Variants in TTC7A observed in about 807,000 individuals in gnomAD.
The protein encoded by TTC7A is tetratricopeptide repeat domain 7A.
Under a neutral mutation model 103.7 loss-of-function variants are expected in TTC7A, and 110 were observed. The ratio of observed to expected loss-of-function variants is 1.06; its 90% confidence interval spans 0.91 to 1.24. The LOEUF (loss-of-function observed/expected upper bound fraction) is 1.24, where lower values mean the gene tolerates loss of function less well. TTC7A is among the 50% of genes most tolerant of loss of function. TTC7A has a pLI of 0.00. For synonymous variants in TTC7A, 521 were observed against 467.9 expected, an observed-to-expected ratio of 1.11 and a Z score of -1.47; for missense variants, 1,340 against 1,116.3, an observed-to-expected ratio of 1.20 and a Z score of -2.86.
Position 46,978,897 on chromosome 2 carries a change from C to T in TTC7A, c.754C>T (p.Leu252=), listed in dbSNP as rs1489602833. ...CCTCCAGAGCGCCTATGTGAAAAAC[C>T]TGAAGAAGGGGTAGGTCACTGGTAG... The part of the protein sequence containing the change: ...AALQSAYVKN[L]KKGNIVKGMR... Residue 252 remains leucine, a synonymous_variant, in exon 5 of 20, where the codon CTG becomes TTG. Transcript: ENST00000319190. 1.9e-6 allele frequency: 3 copies of T among 1,613,380 alleles called. No individual in the cohort carries two copies. The highest frequency in any genetic ancestry group is 1.1e-5 in the South Asian group (1 of 91,064).
intron 2 of TTC7A, among the ~76,000 whole-genome samples, chr2:46,929,684 GATTGAAA>G (rs1161764910): frequency 6.6e-6 from 1 of 152,044 alleles, no homozygotes; most frequent in African/African-American, 2.4e-5. Context: ...AAATAAGAAA[GATTGAAA>G]ATTAATGAGC....
Position 47,023,351 on chromosome 2 carries a change from T to A in TTC7A, c.1511-57T>A, listed in dbSNP as rs1051830341. ...GTGTGCTTTGAGGATGGTGCAGGGC[T>A]GGGCCGGCACCCTTCAGTGACCCCT... On this transcript the variant is annotated intron_variant, in intron 12 of 19. Coordinates refer to ENST00000319190, the MANE Select transcript of TTC7A (RefSeq NM_020458.4). 2.5e-6 allele frequency: 4 copies of A among 1,578,824 alleles called. No homozygotes were observed. In the African/African-American group the frequency reaches 5.4e-5, roughly 21 times the overall value.
Position 46,978,887 on chromosome 2 carries a change from T to C in TTC7A, c.744T>C (p.Tyr248=), listed in dbSNP as rs1317646145. ...TGGAAGCTGCCCTCCAGAGCGCCTA[T>C]GTGAAAAACCTGAAGAAGGGGTAGG... ...YFLEAALQSA[Y]VKNLKKGNIV... The change falls in exon 5 of 20, where the codon TAT becomes TAC. Residue 248 remains tyrosine, a synonymous_variant. Transcript: ENST00000319190. 1.2e-6 allele frequency: 2 copies of C among 1,614,046 alleles called. No homozygotes were observed. Among genetic ancestry groups the C allele is most frequent in the East Asian group, 2.2e-5 (1 of 44,876 alleles).
chr2:47,069,461 T>G (rs1349809614), intron 19 of TTC7A, among the ~76,000 whole-genome samples: 4 of 152,146 alleles, frequency 2.6e-5, no homozygotes, highest in African/African-American at 9.7e-5. Flanking sequence ...GTCTGGGCTC[T>G]TCTCAGCAGG....
At chr2:46,966,259 C>T (rs1407698388) in intron 3 of TTC7A, among the ~76,000 whole-genome samples, 2 of 151,874 alleles carry the variant, frequency 1.3e-5, no homozygotes, top group Non-Finnish European at 2.9e-5. Flanking sequence ...TGCATACTTT[C>T]TACTCTTTAT....
At chr2:46,967,877 T>C (rs1672994940) in intron 3 of TTC7A, among the ~76,000 whole-genome samples, 1 of 152,028 alleles carries the variant, frequency 6.6e-6, no homozygotes, top group Non-Finnish European at 1.5e-5. Context: ...CCTTTCGGTT[T>C]CCCCCCGAGA....
chr2:46,936,436 C>T (rs554086606), upstream of TTC7A, among the ~76,000 whole-genome samples: 4 of 152,230 alleles, frequency 2.6e-5, no homozygotes, highest in South Asian at 6.2e-4. Flanking sequence ...GAGTTTGGTT[C>T]AGGACAATCT....
chr2:47,046,478 G>T (rs1310513882), intron 16 of TTC7A, 47 bp downstream of exon 16: 1 of 1,504,548 alleles, frequency 6.6e-7, no homozygotes, highest in South Asian at 1.1e-5. Context: ...GTGGTTGCCA[G>T]GGCAACAATC....
At chr2:47,044,358 C>G (rs1017328595) in intron 15 of TTC7A, among the ~76,000 whole-genome samples, 4 of 152,194 alleles carry the variant, frequency 2.6e-5, no homozygotes, top group African/African-American at 9.7e-5. Context: ...TTCATATTCC[C>G]GAAAGCACAG....
intron 9 of TTC7A, 117 bp downstream of exon 9, chr2:47,006,176 G>T: frequency 7.3e-7 from 1 of 1,366,814 alleles, no homozygotes; most frequent in Non-Finnish European, 9.9e-7. Context: ...CTGCTCTGCC[G>T]CTTTGACCTC....
At chr2:46,974,875 T>G in intron 3 of TTC7A, 98 bp from the exon 4 acceptor site, 1 of 1,518,822 alleles carries the variant, frequency 6.6e-7, no homozygotes, top group Non-Finnish European at 8.9e-7. Flanking sequence ...CACCAGAGTG[T>G]CTGCCCCCTC....
chr2:47,006,089 C>T (rs780796387), intron 9 of TTC7A, 30 bp downstream of exon 9: 2 of 1,606,128 alleles, frequency 1.2e-6, no homozygotes, highest in South Asian at 2.2e-5. Context: ...CCACCCCACT[C>T]TCCGGAGTCA....
chr2:46,990,157 C>G (rs1035157363), intron 5 of TTC7A, among the ~76,000 whole-genome samples: 1 of 152,234 alleles, frequency 6.6e-6, no homozygotes, highest in South Asian at 2.1e-4. Context: ...ACTGATGTCC[C>G]AGAATCAGCC....
At chr2:47,061,255 C>T (rs1365328281) in intron 19 of TTC7A, among the ~76,000 whole-genome samples, 1 of 152,162 alleles carries the variant, frequency 6.6e-6, no homozygotes, top group East Asian at 1.9e-4. Context: ...CTTCCTTTTG[C>T]TGTAGGGTTC....
chr2:47,061,173 C>T (rs919879), intron 19 of TTC7A, among the ~76,000 whole-genome samples: 3 of 152,116 alleles, frequency 2.0e-5, no homozygotes, highest in African/African-American at 7.3e-5. Context: ...CTTGTAGACA[C>T]AGGCCATTTC....
chr2:46,992,089 C>T (rs899689237), intron 5 of TTC7A, among the ~76,000 whole-genome samples: 1 of 152,186 alleles, frequency 6.6e-6, no homozygotes, highest in African/African-American at 2.4e-5. Flanking sequence ...GGCTCTTCAC[C>T]CTCTGTGATC....
At chr2:47,045,721 A>G (rs1439019122) in intron 15 of TTC7A, 1 of 152,444 alleles carries the variant, frequency 6.6e-6, no homozygotes, top group East Asian at 1.9e-4. Context: ...CTCCAGGGTC[A>G]GGAAGCAAAC....
At chr2:47,071,126 G>A (rs1684654349) in intron 19 of TTC7A, 2 of 152,332 alleles carry the variant, frequency 1.3e-5, no homozygotes, top group South Asian at 2.1e-4. Context: ...GCTCAGGGCA[G>A]AGTAGGTGAG....
chr2:47,022,486 C>T (rs556165366), intron 12 of TTC7A, among the ~76,000 whole-genome samples: 1 of 152,328 alleles, frequency 6.6e-6, no homozygotes, highest in South Asian at 2.1e-4. Context: ...GATTCTGCTC[C>T]TTCCTGCCCC....
Sources: allele counts gnomAD v4.1 joint callset (sites outside exome capture counted in the v4.1 genomes callset), GRCh38; gene constraint gnomAD v4.1.1; transcripts MANE v1.5; gene names NCBI Gene and HGNC (gene_info 2026-07-23, HGNC 2026-07-21).